The following CNTLN variants were observed in gnomAD, a reference collection of about 807,000 sequenced individuals.
CNTLN encodes centlein, centrosomal protein.
In CNTLN, 212 loss-of-function variants were observed where a neutral mutation model predicts 180.0. The observed-to-expected ratio is 1.18, with a 90% confidence interval of 1.05 to 1.32. The LOEUF (loss-of-function observed/expected upper bound fraction) is 1.32. Ranked by LOEUF, CNTLN falls within the 40% of genes most tolerant of loss-of-function variation. The probability of loss-of-function intolerance (pLI) is 0.00; values close to 1 mark genes in which losing one functional copy is unlikely to be tolerated. For missense variants in CNTLN, 2,095 were observed against 1,610.9 expected (o/e 1.30, Z -5.14); for synonymous variants, 722 against 563.1 (o/e 1.28, Z -3.99).
chr9:17,257,388 T>A (rs201077126), intron 5 of CNTLN, among the ~76,000 whole-genome samples: 30,348 of 152,038 alleles, frequency 0.2, 3,760 homozygotes, highest in African/African-American at 0.34. Context: ...GTTGGACATT[T>A]GGGTTGGTTC....
intron 2 of CNTLN, among the ~76,000 whole-genome samples, chr9:17,207,583 C>G (rs948124297): frequency 5.3e-5 from 8 of 152,106 alleles, no homozygotes; most frequent in African/African-American, 1.9e-4. Context: ...CTTCCCTTGG[C>G]TGGGGGAGGG....
At chr9:17,456,780 T>C (rs1394289044) in intron 18 of CNTLN, among the ~76,000 whole-genome samples, 1 of 152,144 alleles carries the variant, frequency 6.6e-6, no homozygotes, top group Admixed American at 6.6e-5. Flanking sequence ...TATGCCATTA[T>C]AGTTTGGTGA....
intron 18 of CNTLN, among the ~76,000 whole-genome samples, chr9:17,444,664 A>G (rs2134067317): frequency 6.6e-6 from 1 of 152,262 alleles, no homozygotes; most frequent in East Asian, 1.9e-4. Context: ...TTACCCTCTT[A>G]CTAAAGATCT....
chr9:17,407,182 A>T (rs1026636590), intron 15 of CNTLN, among the ~76,000 whole-genome samples: 1 of 152,204 alleles, frequency 6.6e-6, no homozygotes, highest in African/African-American at 2.4e-5. Flanking sequence ...AGAATATGGG[A>T]AACAGAAAAG....
At chr9:17,366,562 A>AT (rs1359483257) in intron 12 of CNTLN, 55 bp from the exon 13 acceptor site, 49 of 844,822 alleles carry the variant, frequency 5.8e-5, no homozygotes, top group Non-Finnish European at 7.5e-5. Context: ...TATATGTTTG[A>AT]TTTTTTTAAA....
intron 8 of CNTLN, 66 bp from the exon 9 acceptor site, chr9:17,330,564 CTA>C: frequency 2.3e-6 from 2 of 875,518 alleles, no homozygotes; most frequent in East Asian, 5.9e-5. Flanking sequence ...TTACATTTAA[CTA>C]TTTATTTATA....
intron 2 of CNTLN, among the ~76,000 whole-genome samples, chr9:17,183,308 A>G (rs1473902584): frequency 2.6e-5 from 4 of 152,172 alleles, no homozygotes; most frequent in Non-Finnish European, 4.4e-5. Flanking sequence ...TTGGAATATC[A>G]CAGAATAATT....
intron 18 of CNTLN, among the ~76,000 whole-genome samples, chr9:17,419,111 T>G (rs1019340602): frequency 2.6e-5 from 4 of 152,038 alleles, no homozygotes; most frequent in Non-Finnish European, 2.9e-5. Flanking sequence ...TTAACTGTAT[T>G]TTTTTGTTTG....
In CNTLN at chr9:17,170,655, A is replaced by G. The variant is rs576344167; in HGVS notation, c.449+27279A>G. 1.2e-3 allele frequency among the ~76,000 whole-genome samples: 175 copies of G among 149,990 alleles called. 1 individual carries two copies. The highest frequency in any genetic ancestry group is 1.9e-3 in the Non-Finnish European group (130 of 67,180). ...CAGCTTCGGAATTTGTTTCTTTTTAATGATTTTTATCTGTCTGTTTTCATT... is the reference window on the plus strand; with the variant it reads ...CAGCTTCGGAATTTGTTTCTTTTTAGTGATTTTTATCTGTCTGTTTTCATT... On this transcript the variant is annotated intron_variant, in intron 2 of 25. Coordinates refer to ENST00000380647, the MANE Select transcript of CNTLN (RefSeq NM_017738.4).
chr9:17,197,828 A>G (rs968819412), intron 2 of CNTLN, among the ~76,000 whole-genome samples: 1 of 152,110 alleles, frequency 6.6e-6, no homozygotes, highest in Non-Finnish European at 1.5e-5. Flanking sequence ...TGTCCTGGAG[A>G]GTTCCCCCAA....
At chr9:17,427,142 C>T (rs1023280839) in intron 18 of CNTLN, among the ~76,000 whole-genome samples, 29 of 152,244 alleles carry the variant, frequency 1.9e-4, no homozygotes, top group South Asian at 4.1e-4. Context: ...GTTTCAGCTC[C>T]TGCTCCCACA....
the CNTLN span, among the ~76,000 whole-genome samples, chr9:17,522,249 A>G: frequency 1.3e-5 from 2 of 152,248 alleles, no homozygotes; most frequent in African/African-American, 4.8e-5. Context: ...CCTTCCCTCC[A>G]TCCATACAAT....
chr9:17,395,014 A>G lies in CNTLN; in HGVS notation c.2560A>G (p.Ser854Gly), dbSNP rs1161685956. Residue 854 changes from serine to glycine, a missense_variant, in exon 15 of 26, where the codon AGC (serine) becomes GGC (glycine). Ser to Gly is a moderately conservative substitution (Grantham distance 56). Coordinates refer to ENST00000380647, the MANE Select transcript of CNTLN (RefSeq NM_017738.4). ...TCTCAATCATTCCATCAAGGTTATG[A>G]GCAATGTGTTTGAGAACCTCAGCAA... ...TVLNHSIKVMSNVFENLSKDG... is the reference protein window; with the variant it reads ...TVLNHSIKVMGNVFENLSKDG... 1 of 1,613,446 alleles carries G rather than the reference A, an allele frequency of 6.2e-7. No homozygotes were observed. The highest frequency in any genetic ancestry group is 8.5e-7 in the Non-Finnish European group (1 of 1,179,510).
chr9:17,406,839 C>T (rs1009787426), intron 15 of CNTLN, among the ~76,000 whole-genome samples: 3 of 151,646 alleles, frequency 2.0e-5, no homozygotes, highest in Admixed American at 2.0e-4. Flanking sequence ...ATCACTAAGA[C>T]ACGTCTCCCT....
intron 20 of CNTLN, 134 bp from the exon 21 acceptor site, chr9:17,464,363 T>A (rs919930407): frequency 1.9e-5 from 13 of 670,870 alleles, no homozygotes; most frequent in Non-Finnish European, 3.2e-5. Flanking sequence ...TGCAATTCAT[T>A]TTACTGATTT....
At chr9:17,513,597 T>A in the CNTLN span, among the ~76,000 whole-genome samples, 1 of 152,036 alleles carries the variant, frequency 6.6e-6, no homozygotes, top group African/African-American at 2.4e-5. Context: ...TGCAGGAGGT[T>A]GAAGCGGGAG....
intron 5 of CNTLN, among the ~76,000 whole-genome samples, chr9:17,249,345 G>GTTTTTTTTT (rs558059269): frequency 1.9e-4 from 24 of 124,910 alleles, no homozygotes; most frequent in South Asian, 2.9e-4. Flanking sequence ...TTCTTTGATT[G>GTTTTTTTTT]TTTTTTTTGT....
intron 5 of CNTLN, among the ~76,000 whole-genome samples, chr9:17,271,872 C>G (rs1004545391): frequency 1.3e-5 from 2 of 152,194 alleles, no homozygotes; most frequent in Non-Finnish European, 2.9e-5. Flanking sequence ...GTCTACTCTT[C>G]ACGTAAAATA....
At chr9:17,306,925 C>G (rs749927876) in intron 7 of CNTLN, among the ~76,000 whole-genome samples, 1 of 152,094 alleles carries the variant, frequency 6.6e-6, no homozygotes. Context: ...CTTTCCCTAG[C>G]CAGGTTAGCT....
Sources: allele counts gnomAD v4.1 joint callset (sites outside exome capture counted in the v4.1 genomes callset), GRCh38; gene constraint gnomAD v4.1.1; transcripts MANE v1.5; gene names NCBI Gene and HGNC (gene_info 2026-07-23, HGNC 2026-07-21).